TBC1D15: variants seen among roughly 807,000 people sequenced by gnomAD.
TBC1D15 encodes GAP for RAB7.
A neutral mutation model predicts 95.4 loss-of-function variants in TBC1D15; 39 were observed. That is an observed-to-expected ratio of 0.41 (90% CI 0.32 to 0.53). The LOEUF (loss-of-function observed/expected upper bound fraction) is 0.53. TBC1D15 is among the 20% of genes least tolerant of loss of function. The pLI, the probability that TBC1D15 is intolerant of heterozygous loss-of-function variation, is 0.29. For missense variants in TBC1D15, 733 were observed against 794.3 expected (o/e 0.92, Z 0.93); for synonymous variants, 258 against 261.3 (o/e 0.99, Z 0.12).
intron 13 of TBC1D15, 25 bp downstream of exon 13, chr12:71,917,822 A>T: frequency 6.8e-7 from 1 of 1,478,514 alleles, no homozygotes; most frequent in Non-Finnish European, 9.4e-7. Flanking sequence ...TCAGAACTAT[A>T]CCCAGCAAAT....
chr12:71,841,794 G>T (rs1304678946), intron 1 of TBC1D15, among the ~76,000 whole-genome samples: 1 of 152,038 alleles, frequency 6.6e-6, no homozygotes, highest in African/African-American at 2.4e-5. Flanking sequence ...GCGCAAACCT[G>T]ATAATCTCTT....
chr12:71,854,465 G>A (rs962843444), intron 1 of TBC1D15: 5 of 436,614 alleles, frequency 1.1e-5, no homozygotes, highest in African/African-American at 2.0e-5. Flanking sequence ...TCTCTTTGTT[G>A]TTATGAACTC....
In TBC1D15 at chr12:71,872,053, T is replaced by G. The variant is rs2138307177; in HGVS notation, c.31-17T>G. On this transcript the variant is annotated splice_polypyrimidine_tract_variant and intron_variant, in intron 1 of 16. Transcript: ENST00000485960. ...TCAATAGAAATTATGTGACTAACTT[T>G]ATTTTTGCTGTTTTAGATTATATAT... 2 of 1,239,292 alleles carry G rather than the reference T, an allele frequency of 1.6e-6. No homozygotes were observed. The highest frequency in any genetic ancestry group is 3.1e-5 in the African/African-American group (2 of 64,570). 76.8% of individuals were successfully genotyped at this position (1,239,292 alleles called of 1,614,324 possible).
At chr12:71,918,007 A>T (rs1364000465) in intron 13 of TBC1D15, among the ~76,000 whole-genome samples, 1 of 152,106 alleles carries the variant, frequency 6.6e-6, no homozygotes, top group Non-Finnish European at 1.5e-5. Context: ...GGAAAAAAAA[A>T]TGCTGGCTGT....
Position 71,872,176 on chromosome 12 carries a change from T to G in TBC1D15, c.129+8T>G. ...TTACGTGTTTTAGAAAAGGTAAGTTTCTAGTAAATGATTTTATTTAATAAT... is the reference window on the plus strand; with the variant it reads ...TTACGTGTTTTAGAAAAGGTAAGTTGCTAGTAAATGATTTTATTTAATAAT... On this transcript the variant is annotated splice_region_variant and intron_variant, in intron 2 of 16. Transcript: ENST00000485960. The G allele has an allele frequency of 6.7e-7, 1 of 1,486,474 alleles. No homozygotes were observed. The highest frequency in any genetic ancestry group is 2.4e-5 in the East Asian group (1 of 41,424). The allele number at this position is 1,486,474 out of a possible 1,614,324, so 92.1% of individuals were successfully genotyped here.
In TBC1D15 at chr12:71,923,171, G is replaced by C. The variant is rs114083238; in HGVS notation, c.1992G>C (p.Val664=). 1.0e-3 allele frequency: 1,607 copies of C among 1,614,174 alleles called. 17 individuals are homozygous for C. In the African/African-American group the frequency reaches 0.018, roughly 18 times the overall value. The change falls in exon 17 of 17, where the codon GTG becomes GTC. Residue 664 remains valine (V), a synonymous_variant. Transcript: ENST00000485960. ...ARNDSPTQIP[V]SSDVCRLTPA ...ATGACAGCCCAACACAGATACCAGT[G>C]TCCTCAGATGTCTGCAGATTAACAC...
intron 4 of TBC1D15, among the ~76,000 whole-genome samples, chr12:71,884,159 C>T (rs894488703): frequency 2.0e-5 from 3 of 152,128 alleles, no homozygotes; most frequent in Admixed American, 1.3e-4. Context: ...TCTGTATATT[C>T]ACTCCAGTGT....
chr12:71,868,240 C>CTT (rs771782876), intron 1 of TBC1D15, among the ~76,000 whole-genome samples: 18 of 132,354 alleles, frequency 1.4e-4, no homozygotes, highest in South Asian at 4.8e-4. Flanking sequence ...GCAGCTTTGA[C>CTT]TTTTTTTTTT....
At chr12:71,912,874 C>T (rs915119494) in intron 11 of TBC1D15, among the ~76,000 whole-genome samples, 5 of 151,948 alleles carry the variant, frequency 3.3e-5, no homozygotes, top group East Asian at 1.9e-4. Context: ...AGTATAAGTT[C>T]GTGTCCCTTC....
In TBC1D15 at chr12:71,916,688, G is replaced by A. The variant is rs138855059; in HGVS notation, c.1402-1010G>A. Among the ~76,000 whole-genome samples, 652 of 152,224 alleles carry A rather than the reference G, an allele frequency of 4.3e-3. 5 individuals carry two copies. The highest frequency in any genetic ancestry group is 0.014 in the African/African-American group (601 of 41,544). ...GGCGGTAGGTTACCACAGAGGGATC[G>A]GGACATATGAGTTAAAGGGATCCAA... On this transcript the variant is annotated intron_variant, in intron 12 of 16. Coordinates refer to ENST00000485960, the MANE Select transcript of TBC1D15 (RefSeq NM_001146213.3).
intron 1 of TBC1D15, among the ~76,000 whole-genome samples, chr12:71,847,789 T>C (rs1886707749): frequency 6.6e-6 from 1 of 152,078 alleles, no homozygotes; most frequent in Non-Finnish European, 1.5e-5. Context: ...ATTTCCACTT[T>C]GACTGTTACA....
intron 6 of TBC1D15, 43 bp from the exon 7 acceptor site, chr12:71,894,643 T>G (rs766910061): frequency 3.2e-6 from 5 of 1,544,600 alleles, no homozygotes; most frequent in Non-Finnish European, 4.4e-6. Context: ...CGTTTTTCTT[T>G]ATTTGAGTTA....
chr12:71,851,041 A>G lies in TBC1D15; in HGVS notation c.30+11230A>G, dbSNP rs186399244. On this transcript the variant is annotated intron_variant, in intron 1 of 16. Transcript: ENST00000485960. ...ATACCTGAGACTTGGTAATTTATAG[A>G]TAAAGAGGTTTAATTGGCTCATAGT... Among the ~76,000 whole-genome samples, 12 of 151,322 alleles carry G rather than the reference A, an allele frequency of 7.9e-5. No individual in the cohort carries two copies. In the East Asian group the frequency reaches 2.3e-3, roughly 30 times the overall value.
chr12:71,839,968 C>G (rs373676742), intron 1 of TBC1D15, among the ~76,000 whole-genome samples, 157 bp downstream of exon 1: 12 of 152,210 alleles, frequency 7.9e-5, no homozygotes, highest in African/African-American at 2.2e-4. Context: ...GCTGGTTTCC[C>G]GAGAATGCCA....
chr12:71,892,355 T>C (rs1255110175), intron 5 of TBC1D15, among the ~76,000 whole-genome samples: 1 of 152,034 alleles, frequency 6.6e-6, no homozygotes, highest in African/African-American at 2.4e-5. Flanking sequence ...TTATTAAAGA[T>C]CTTATCTCAA....
intron 5 of TBC1D15, 100 bp from the exon 6 acceptor site, chr12:71,893,122 T>G (rs1426236089): frequency 5.7e-6 from 3 of 530,838 alleles, no homozygotes; most frequent in African/African-American, 4.0e-5. Context: ...TATTTTGGGT[T>G]TTTTTTTTTT....
chr12:71,850,175 T>C, intron 1 of TBC1D15: 1 of 572,526 alleles, frequency 1.7e-6, no homozygotes, highest in Non-Finnish European at 3.4e-6. Flanking sequence ...GTGATACTCA[T>C]TACATAGTGA....
At chr12:71,846,490 C>T (rs1886295872) in intron 1 of TBC1D15, among the ~76,000 whole-genome samples, 1 of 152,144 alleles carries the variant, frequency 6.6e-6, no homozygotes, top group Admixed American at 6.5e-5. Context: ...CACATAATTG[C>T]TTCATAAAAG....
At chr12:71,874,573 G>T (rs1247270307) in intron 3 of TBC1D15, among the ~76,000 whole-genome samples, 4 of 151,426 alleles carry the variant, frequency 2.6e-5, no homozygotes, top group African/African-American at 7.3e-5. Context: ...CTTCTTTGGA[G>T]AAATGCCTGT....
Sources: gnomAD v4.1 joint callset for allele counts (sites outside exome capture counted in the v4.1 genomes callset) on GRCh38, gnomAD v4.1.1 for gene constraint, MANE v1.5 for transcripts, NCBI Gene and HGNC (gene_info 2026-07-23, HGNC 2026-07-21) for gene names.